Variants in TCF4 observed in about 807,000 individuals in gnomAD.
The protein encoded by TCF4 is transcription factor 4, also known as SL3-3 enhancer factor 2.
In TCF4, 3 loss-of-function variants were observed where a neutral mutation model predicts 82.1. The observed-to-expected ratio is 0.04, with a 90% CI of 0.02 to 0.09. The LOEUF (loss-of-function observed/expected upper bound fraction) is 0.09. Ranked by LOEUF, TCF4 falls within the 10% of genes least tolerant of loss-of-function variation. TCF4 has a pLI of 1.00. For synonymous variants in TCF4, 276 were observed against 309.6 expected (o/e 0.89, Z 1.14); for missense variants, 518 against 852.7 (o/e 0.61, Z 4.89).
At chr18:55,596,960 C>G (rs2097691549) in intron 2 of TCF4, among the ~76,000 whole-genome samples, 1 of 152,120 alleles carries the variant, frequency 6.6e-6, no homozygotes, top group African/African-American at 2.4e-5. Context: ...GTGATTGAAT[C>G]ATGGGGGCGG....
intron 3 of TCF4, among the ~76,000 whole-genome samples, chr18:55,537,917 A>G (rs1441741473): frequency 1.3e-5 from 2 of 152,042 alleles, no homozygotes; most frequent in African/African-American, 2.4e-5. Context: ...TTCACAAGAG[A>G]ATGCACTGCT....
intron 8 of TCF4, among the ~76,000 whole-genome samples, chr18:55,292,402 T>A (rs775718980): frequency 1.3e-4 from 20 of 152,156 alleles, no homozygotes; most frequent in Non-Finnish European, 2.6e-4. Flanking sequence ...GAGAAGCAGT[T>A]TAAAATTCTC....
rs1555764219 is a variant in TCF4, at chr18:55,254,582, A to G, written c.1265T>C (p.Ile422Thr). The change falls in exon 15 of 20, where the codon ATT becomes ACT. Residue 422 changes from isoleucine to threonine, a missense_variant. Around this residue, in one of 7 missense-constraint regions of TCF4, gnomAD observed 144 missense variants for 190.2 expected, o/e 0.76. Transcript: ENST00000354452. ...CATGGCTCCATTATGAGAAGGTCCA[A>G]TGATTCCATGCATGTCCCCATGACC... ...PGGHGDMHGI[I>T]GPSHNGAMGG... is the part of the protein sequence containing the mutation. 1.2e-6 allele frequency: 2 copies of G among 1,613,782 alleles called. No individual in the cohort carries two copies. Among genetic ancestry groups the G allele is most frequent in the East Asian group, 2.2e-5 (1 of 44,834 alleles).
intron 5 of TCF4, among the ~76,000 whole-genome samples, chr18:55,444,413 G>A (rs1283410266): frequency 6.6e-6 from 1 of 152,162 alleles, no homozygotes; most frequent in Admixed American, 6.5e-5. Flanking sequence ...CTAGAACACA[G>A]CAGAGGATGG....
intron 2 of TCF4, among the ~76,000 whole-genome samples, chr18:55,593,829 G>A (rs896437366): frequency 2.0e-5 from 3 of 151,952 alleles, no homozygotes; most frequent in East Asian, 1.9e-4. Context: ...AGGCAAAAAT[G>A]TAGGAAAAAA....
chr18:55,290,676 C>G (rs2064849334), intron 8 of TCF4, among the ~76,000 whole-genome samples: 1 of 152,046 alleles, frequency 6.6e-6, no homozygotes, highest in South Asian at 2.1e-4. Flanking sequence ...GTGTTTGTAC[C>G]TAATAAGCAC....
intron 8 of TCF4, among the ~76,000 whole-genome samples, chr18:55,329,264 T>G (rs191620812): frequency 9.5e-4 from 144 of 152,256 alleles, no homozygotes; most frequent in African/African-American, 3.4e-3. Context: ...GTTCTTTAAC[T>G]CAAAATAAAC....
chr18:55,397,560 G>A (rs1280761105), intron 6 of TCF4, among the ~76,000 whole-genome samples: 1 of 152,006 alleles, frequency 6.6e-6, no homozygotes, highest in Non-Finnish European at 1.5e-5. Context: ...TACAAATAGA[G>A]GAACAGCTCT....
intron 8 of TCF4, among the ~76,000 whole-genome samples, chr18:55,312,339 T>G (rs2072767279): frequency 6.6e-6 from 1 of 152,166 alleles, no homozygotes; most frequent in Admixed American, 6.5e-5. Flanking sequence ...ACATGAAGAT[T>G]AAAAATGTAT....
chr18:55,571,630 G>C (rs2097468987), intron 3 of TCF4, among the ~76,000 whole-genome samples: 1 of 152,054 alleles, frequency 6.6e-6, no homozygotes, highest in Non-Finnish European at 1.5e-5. Context: ...GTTAAATTTT[G>C]AAGCATGCAG....
intron 5 of TCF4, among the ~76,000 whole-genome samples, chr18:55,439,515 C>A (rs953149008): frequency 1.3e-5 from 2 of 152,140 alleles, no homozygotes; most frequent in East Asian, 3.8e-4. Context: ...CTTTTCCATC[C>A]CAGTAGTCCA....
At chr18:55,490,487 T>C (rs894706742) in intron 3 of TCF4, among the ~76,000 whole-genome samples, 2 of 152,170 alleles carry the variant, frequency 1.3e-5, no homozygotes, top group South Asian at 4.1e-4. Context: ...ATTACTGATG[T>C]ACTATACTTA....
chr18:55,628,480 T>C (rs2097728706), intron 2 of TCF4, among the ~76,000 whole-genome samples: 1 of 152,170 alleles, frequency 6.6e-6, no homozygotes, highest in Non-Finnish European at 1.5e-5. Context: ...TTTAATAATC[T>C]TTTTTTCACT....
At chr18:55,350,773 G>A (rs1298444633) in intron 7 of TCF4, 101 bp downstream of exon 7, 4 of 1,549,336 alleles carry the variant, frequency 2.6e-6, no homozygotes, top group Non-Finnish European at 3.5e-6. Context: ...TGGTTTTCTT[G>A]GGGTGGGAGG....
At chr18:55,243,173 T>G (rs933473585) in intron 15 of TCF4, among the ~76,000 whole-genome samples, 2 of 152,218 alleles carry the variant, frequency 1.3e-5, no homozygotes, top group African/African-American at 4.8e-5. Flanking sequence ...AAGTGAAAAT[T>G]TCATTTTATA....
chr18:55,457,909 G>A (rs1486717209), intron 5 of TCF4, among the ~76,000 whole-genome samples: 1 of 152,106 alleles, frequency 6.6e-6, no homozygotes, highest in Non-Finnish European at 1.5e-5. Context: ...AAATATACTA[G>A]CAATGCCTGT....
At chr18:55,372,621 A>G (rs760156860) in intron 6 of TCF4, among the ~76,000 whole-genome samples, 1 of 152,204 alleles carries the variant, frequency 6.6e-6, no homozygotes, top group African/African-American at 2.4e-5. Context: ...AAAAAATTAC[A>G]TAAGGATATA....
At chr18:55,479,252 T>C (rs1410111415) in intron 3 of TCF4, 1 of 153,018 alleles carries the variant, frequency 6.5e-6, no homozygotes, top group African/African-American at 2.4e-5. Context: ...AATGAAGACA[T>C]GAAGACCCAA....
intron 3 of TCF4, among the ~76,000 whole-genome samples, chr18:55,545,718 G>A (rs1170806278): frequency 6.6e-6 from 1 of 152,124 alleles, no homozygotes; most frequent in Non-Finnish European, 1.5e-5. Context: ...CCAAAGTGCT[G>A]GGATTACAGG....
Sources: allele counts gnomAD v4.1 joint callset (sites outside exome capture counted in the v4.1 genomes callset), GRCh38; gene constraint gnomAD v4.1.1; regional missense constraint gnomAD v4.1.1; transcripts MANE v1.5; gene names NCBI Gene and HGNC (gene_info 2026-07-23, HGNC 2026-07-21).